The following LAMA2 variants were observed in gnomAD, a reference collection of about 807,000 sequenced individuals.
LAMA2 encodes laminin subunit alpha-2.
In LAMA2, 269 loss-of-function variants were observed where a neutral mutation model predicts 364.8. The observed-to-expected ratio is 0.74, with a 90% CI of 0.67 to 0.82. The LOEUF (loss-of-function observed/expected upper bound fraction) is 0.82. Ranked by LOEUF, LAMA2 falls within the 40% of genes least tolerant of loss-of-function variation. LAMA2 has a pLI of 0.00. For missense variants in LAMA2, 3,807 were observed against 3,873.2 expected, an observed-to-expected ratio of 0.98 and a Z score of 0.45; for synonymous variants, 1,379 against 1,370.6, an observed-to-expected ratio of 1.01 and a Z score of -0.14.
chr6:129,113,099 A>C (rs1213513874), intron 4 of LAMA2, among the ~76,000 whole-genome samples: 3 of 152,072 alleles, frequency 2.0e-5, no homozygotes, highest in Non-Finnish European at 4.4e-5. Flanking sequence ...TAAGGAATAG[A>C]AACATTTGGA....
chr6:129,509,566 G>T (rs747574817), intron 62 of LAMA2, among the ~76,000 whole-genome samples: 1 of 151,898 alleles, frequency 6.6e-6, no homozygotes, highest in South Asian at 2.1e-4. Context: ...TCATTCTTCC[G>T]CATATGAATA....
At chr6:129,166,592 C>T (rs878976867) in intron 9 of LAMA2, among the ~76,000 whole-genome samples, 7 of 152,102 alleles carry the variant, frequency 4.6e-5, no homozygotes, top group Admixed American at 2.6e-4. Flanking sequence ...GCTCACTTTT[C>T]GTTTTAAGCC....
chr6:128,958,751 A>G lies in LAMA2; in HGVS notation c.112+75394A>G, dbSNP rs12661643. 1.6e-4 allele frequency among the ~76,000 whole-genome samples: 24 copies of G among 152,300 alleles called. No homozygotes were observed. In the East Asian group the frequency reaches 4.2e-3, roughly 27 times the overall value. On this transcript the variant is annotated intron_variant, in intron 1 of 64. Transcript: ENST00000421865. ...AGTAATACCTTTCGAAGAGTCAAAT[A>G]ATACAGAAAAGCTCATAACAAAAAG...
intron 37 of LAMA2, among the ~76,000 whole-genome samples, chr6:129,396,200 A>G (rs1435808353): frequency 1.3e-5 from 2 of 152,234 alleles, no homozygotes; most frequent in Non-Finnish European, 2.9e-5. Context: ...GGTACCTACC[A>G]TATCAAGGTA....
At chr6:129,137,954 A>G (rs1219660935) in intron 4 of LAMA2, among the ~76,000 whole-genome samples, 1 of 152,082 alleles carries the variant, frequency 6.6e-6, no homozygotes, top group African/African-American at 2.4e-5. Context: ...AGAAGCTCCT[A>G]GACAGTCCAT....
At chr6:129,459,267 C>T (rs1461153447) in intron 48 of LAMA2, among the ~76,000 whole-genome samples, 1 of 151,992 alleles carries the variant, frequency 6.6e-6, no homozygotes, top group Non-Finnish European at 1.5e-5. Flanking sequence ...AGTAAAAATA[C>T]AGTATTATAA....
At chr6:128,944,243 T>A (rs757280172) in intron 1 of LAMA2, among the ~76,000 whole-genome samples, 21 of 152,174 alleles carry the variant, frequency 1.4e-4, no homozygotes, top group Non-Finnish European at 3.1e-4. Context: ...CCCACCTAGA[T>A]TAAATGAATT....
chr6:129,228,283 G>T (rs1339263775), intron 12 of LAMA2, among the ~76,000 whole-genome samples: 1 of 152,146 alleles, frequency 6.6e-6, no homozygotes, highest in African/African-American at 2.4e-5. Flanking sequence ...CTTCCCGGGT[G>T]AGGTGATGCC....
intron 1 of LAMA2, among the ~76,000 whole-genome samples, chr6:128,934,910 T>C (rs1031630057): frequency 5.3e-5 from 8 of 152,222 alleles, no homozygotes; most frequent in Non-Finnish European, 7.3e-5. Flanking sequence ...CAATATTAGT[T>C]CTTCCAATTC....
intron 1 of LAMA2, among the ~76,000 whole-genome samples, chr6:128,962,521 T>C (rs557979193): frequency 2.0e-4 from 31 of 152,164 alleles, no homozygotes; most frequent in African/African-American, 6.7e-4. Flanking sequence ...TGTTCTTCAT[T>C]TCCATGGGGA....
At chr6:129,286,111 G>T (rs993572070) in intron 18 of LAMA2, among the ~76,000 whole-genome samples, 2 of 152,084 alleles carry the variant, frequency 1.3e-5, no homozygotes, top group Non-Finnish European at 2.9e-5. Context: ...ATTTCAAATG[G>T]TAGAGAGCCT....
intron 1 of LAMA2, among the ~76,000 whole-genome samples, chr6:128,976,487 G>C (rs1562887004): frequency 6.6e-6 from 1 of 152,174 alleles, no homozygotes; most frequent in Non-Finnish European, 1.5e-5. Context: ...AGAAGGAAGA[G>C]ACTGTGTAGT....
chr6:129,328,403 G>C lies in LAMA2; in HGVS notation c.4302G>C (p.Ser1434=), dbSNP rs751624462. The change falls in exon 29 of 65, where the codon TCG becomes TCC. Residue 1434 remains serine, a synonymous_variant. Transcript: ENST00000421865. ...GCAGCCTGTGTGACCCTGAAACATC[G>C]ATATGCCAGGTAGTCCTCTGAGCCT... The part of the protein sequence containing the change: ...GHSSLCDPET[S]ICQNCQHHTA... 6.2e-7 allele frequency: 1 copy of C among 1,614,120 alleles called. No individual in the cohort carries two copies. Among genetic ancestry groups the C allele is most frequent in the Middle Eastern group, 1.7e-4 (1 of 6,056 alleles).
intron 12 of LAMA2, among the ~76,000 whole-genome samples, chr6:129,205,081 C>CA (rs1782533410): frequency 1.3e-5 from 2 of 149,948 alleles, no homozygotes; most frequent in South Asian, 2.1e-4. Flanking sequence ...TACATTGATG[C>CA]AATCCAAAAA....
intron 1 of LAMA2, among the ~76,000 whole-genome samples, chr6:128,966,092 A>T (rs1781825452): frequency 6.6e-6 from 1 of 150,878 alleles, no homozygotes; most frequent in Admixed American, 6.6e-5. Flanking sequence ...AGGAACAGAA[A>T]ATTGTTTTGA....
At chr6:129,215,144 T>C (rs1012432946) in intron 12 of LAMA2, among the ~76,000 whole-genome samples, 13 of 152,182 alleles carry the variant, frequency 8.5e-5, no homozygotes, top group Admixed American at 5.9e-4. Context: ...ATCAAGTGAC[T>C]TAGAAATTGG....
chr6:129,203,288 C>A (rs9321153), intron 12 of LAMA2, among the ~76,000 whole-genome samples: 3,574 of 152,298 alleles, frequency 0.023, 146 homozygotes, highest in African/African-American at 0.08. Context: ...GTTCTATGTG[C>A]GGCTCAGTGG....
intron 43 of LAMA2, among the ~76,000 whole-genome samples, chr6:129,441,361 C>T (rs192792131): frequency 2.0e-5 from 3 of 152,246 alleles, no homozygotes; most frequent in African/African-American, 7.2e-5. Flanking sequence ...TGTCATGGAA[C>T]ATAGAGGTTA....
intron 1 of LAMA2, among the ~76,000 whole-genome samples, chr6:128,926,546 T>G (rs1254210099): frequency 2.6e-5 from 4 of 152,208 alleles, no homozygotes; most frequent in African/African-American, 4.8e-5. Context: ...ACAGCTCAAG[T>G]GTTCTGTCTC....
Sources: allele counts gnomAD v4.1 joint callset (sites outside exome capture counted in the v4.1 genomes callset), GRCh38; gene constraint gnomAD v4.1.1; transcripts MANE v1.5; gene names NCBI Gene and HGNC (gene_info 2026-07-23, HGNC 2026-07-21).